The following RAB28 variants were observed in gnomAD, a reference collection of about 807,000 sequenced individuals.
The protein encoded by RAB28 is RAB28, member RAS oncogene family.
A neutral mutation model predicts 31.7 loss-of-function variants in RAB28; 24 were observed. That is an observed-to-expected ratio of 0.76 (90% CI 0.55 to 1.06). The LOEUF (loss-of-function observed/expected upper bound fraction) is 1.06, where lower values mean the gene tolerates loss of function less well. RAB28 is among the 50% of genes least tolerant of loss of function. The pLI is 0.00. For missense variants in RAB28, 254 were observed against 258.5 expected, an observed-to-expected ratio of 0.98 and a Z score of 0.12; for synonymous variants, 100 against 90.4, an observed-to-expected ratio of 1.11 and a Z score of -0.60.
chr4:13,401,345 G>C (rs1033393091), intron 4 of RAB28, among the ~76,000 whole-genome samples: 17 of 152,126 alleles, frequency 1.1e-4, no homozygotes, highest in Non-Finnish European at 2.5e-4. Flanking sequence ...CATGGACACA[G>C]GGAGGGGAAA....
chr4:13,381,628 T>C (rs768149136), intron 4 of RAB28, 34 bp from the exon 5 acceptor site: 2 of 1,460,662 alleles, frequency 1.4e-6, no homozygotes, highest in Non-Finnish European at 9.4e-7. Context: ...AATAATTCAA[T>C]ATTAGAGTCT....
intron 4 of RAB28, among the ~76,000 whole-genome samples, chr4:13,438,992 C>T (rs979333522): frequency 1.3e-5 from 2 of 152,056 alleles, no homozygotes; most frequent in African/African-American, 2.4e-5. Flanking sequence ...GACATGTTGT[C>T]TTATTGTGGT....
At chr4:13,391,576 A>G (rs898244447) in intron 4 of RAB28, among the ~76,000 whole-genome samples, 1 of 152,220 alleles carries the variant, frequency 6.6e-6, no homozygotes, top group African/African-American at 2.4e-5. Flanking sequence ...AAGGATTATA[A>G]ATCACGCTAC....
chr4:13,389,069 T>C (rs968786518), intron 4 of RAB28, among the ~76,000 whole-genome samples: 4 of 152,114 alleles, frequency 2.6e-5, no homozygotes, highest in African/African-American at 9.7e-5. Context: ...TGTTCACTGA[T>C]GAATGACTGG....
chr4:13,387,577 A>G (rs1244947281), intron 4 of RAB28, among the ~76,000 whole-genome samples: 3 of 152,018 alleles, frequency 2.0e-5, no homozygotes, highest in African/African-American at 7.2e-5. Flanking sequence ...ATGAGAAGTA[A>G]TTATACAGTG....
At chr4:13,369,283 A>G (rs1032175188) in intron 6 of RAB28, among the ~76,000 whole-genome samples, 3 of 152,152 alleles carry the variant, frequency 2.0e-5, no homozygotes, top group Non-Finnish European at 2.9e-5. Context: ...TGATGAAAAA[A>G]TTTAGAAAAT....
At chr4:13,464,222 C>G (rs539483064) in intron 3 of RAB28, among the ~76,000 whole-genome samples, 1 of 152,164 alleles carries the variant, frequency 6.6e-6, no homozygotes, top group South Asian at 2.1e-4. Context: ...TTCCAGATAT[C>G]CCACCAGATT....
intron 4 of RAB28, among the ~76,000 whole-genome samples, chr4:13,415,677 G>A (rs1712729212): frequency 6.6e-6 from 1 of 152,136 alleles, no homozygotes; most frequent in Non-Finnish European, 1.5e-5. Flanking sequence ...CGCCACCCTG[G>A]GCTCCTGTGT....
chr4:13,406,974 T>C (rs1712131681), intron 4 of RAB28, among the ~76,000 whole-genome samples: 1 of 152,250 alleles, frequency 6.6e-6, no homozygotes, highest in South Asian at 2.1e-4. Flanking sequence ...TGATAGTTTC[T>C]TTTGCTGTGC....
At chr4:13,390,748 C>T (rs1729589773) in intron 4 of RAB28, among the ~76,000 whole-genome samples, 1 of 152,088 alleles carries the variant, frequency 6.6e-6, no homozygotes, top group Non-Finnish European at 1.5e-5. Context: ...AGAAATAATG[C>T]CACACATCTA....
intron 4 of RAB28, among the ~76,000 whole-genome samples, chr4:13,420,738 G>C (rs1408905480): frequency 1.3e-5 from 2 of 152,130 alleles, no homozygotes; most frequent in Non-Finnish European, 2.9e-5. Context: ...AATGAACTAG[G>C]TATTAATGGA....
In RAB28 at chr4:13,456,493, A is replaced by G. The variant is rs547296621; in HGVS notation, c.391+4206T>C. Among the ~76,000 whole-genome samples the G allele has an allele frequency of 1.3e-3, 200 of 152,340 alleles. 2 individuals carry two copies. The highest frequency in any genetic ancestry group is 4.6e-3 in the African/African-American group (192 of 41,570). On this transcript the variant is annotated intron_variant, in intron 4 of 6. Transcript: ENST00000330852. ...AATCTTTAAATCAGCTTTATCCAAC[A>G]TAAACTATTACCCTGATTTCCAGAT...
At position 13,372,870 on chromosome 4, in the gene RAB28, C is replaced by T. The variant is rs112294387; in HGVS notation, c.573+3675G>A. 7.3e-3 allele frequency among the ~76,000 whole-genome samples: 1,117 copies of T among 152,008 alleles called. 20 individuals are homozygous for T. The highest frequency in any genetic ancestry group is 0.025 in the African/African-American group (1,035 of 41,460). ...AAATCTTGAGCATGTCTATTACATG[C>T]CAAGCCTTACATGAGATACTTTCAG... On this transcript the variant is annotated intron_variant, in intron 6 of 6. Transcript: ENST00000330852.
intron 3 of RAB28, among the ~76,000 whole-genome samples, chr4:13,462,364 C>T (rs1247872821): frequency 6.6e-6 from 1 of 152,076 alleles, no homozygotes; most frequent in African/African-American, 2.4e-5. Context: ...ATGTAAACAA[C>T]CTTGAGAACA....
chr4:13,367,807 G>T lies in RAB28; in HGVS notation c.*751C>A, dbSNP rs1728562788. The T allele has an allele frequency of 1.0e-6, 1 of 984,756 alleles. No individual in the cohort carries two copies. The highest frequency in any genetic ancestry group is 4.7e-5 in the South Asian group (1 of 21,256). The allele number at this position is 984,756 out of a possible 1,614,324, so 61.0% of individuals were successfully genotyped here. Reference sequence around the variant, plus strand: ...CCACAATGTCATAACTCATTCTCGGGAGTACTCTTATGCAGTTTGCAAGAG... The same window carrying T: ...CCACAATGTCATAACTCATTCTCGGTAGTACTCTTATGCAGTTTGCAAGAG... On this transcript the variant is annotated 3_prime_UTR_variant, in exon 7 of 7. Transcript: ENST00000330852.
intron 4 of RAB28, among the ~76,000 whole-genome samples, chr4:13,427,655 C>G (rs1175168635): frequency 6.6e-6 from 1 of 152,058 alleles, no homozygotes; most frequent in Non-Finnish European, 1.5e-5. Flanking sequence ...CTAAGCTGCA[C>G]GTGAATATGG....
chr4:13,429,981 C>G (rs1713722957), intron 4 of RAB28, among the ~76,000 whole-genome samples: 2 of 152,194 alleles, frequency 1.3e-5, no homozygotes, highest in South Asian at 4.1e-4. Context: ...GGTATAAGGA[C>G]AGACATATAG....
intron 4 of RAB28, among the ~76,000 whole-genome samples, chr4:13,420,299 C>T (rs527659036): frequency 8.5e-4 from 129 of 152,176 alleles, no homozygotes; most frequent in African/African-American, 2.0e-3. Context: ...CAGGACCAGA[C>T]GGATTCACAG....
chr4:13,482,311 G>A (rs1324471950), intron 1 of RAB28, among the ~76,000 whole-genome samples: 1 of 151,992 alleles, frequency 6.6e-6, no homozygotes, highest in Admixed American at 6.6e-5. Flanking sequence ...GCAAAATTAT[G>A]AACAAATTTC....
Sources: gnomAD v4.1 joint callset for allele counts (sites outside exome capture counted in the v4.1 genomes callset) on GRCh38, gnomAD v4.1.1 for gene constraint, MANE v1.5 for transcripts, NCBI Gene and HGNC (gene_info 2026-07-23, HGNC 2026-07-21) for gene names.